ANK2: variants seen among roughly 807,000 people sequenced by gnomAD.
The protein encoded by ANK2 is ankyrin-2.
Under a neutral mutation model 360.5 loss-of-function variants are expected in ANK2, and 83 were observed. The observed-to-expected ratio is 0.23, with a 90% CI of 0.19 to 0.28. ANK2 has a LOEUF of 0.28. ANK2 is among the 10% of genes least tolerant of loss of function. The pLI, the probability that ANK2 is intolerant of heterozygous loss-of-function variation, is 1.00. For missense variants in ANK2, 4,201 were observed against 4,795.7 expected (o/e 0.88, Z 3.66); for synonymous variants, 1,740 against 1,759.5 (o/e 0.99, Z 0.28).
chr4:113,267,081 G>A (rs913552618), intron 14 of ANK2, among the ~76,000 whole-genome samples: 27 of 152,158 alleles, frequency 1.8e-4, no homozygotes, highest in Middle Eastern at 3.4e-3. Context: ...ATCCTTCGCC[G>A]ACTTTTCAAT....
At chr4:112,816,567 A>G (rs1295627618), upstream of ANK2, among the ~76,000 whole-genome samples, 3 of 152,286 alleles carry the variant, frequency 2.0e-5, no homozygotes, top group East Asian at 1.9e-4. Context: ...CTTAATTAAC[A>G]TATAAGAAAA....
chr4:113,355,803 T>C lies in ANK2; in HGVS notation c.7185T>C (p.Thr2395=). ...PEASVKTDTG[T]ESKPQGVIRS... ...CTTCTGTAAAGACAGATACAGGAACTGAATCAAAACCTCAGGGAGTCATTA... is the reference window on the plus strand; with the variant it reads ...CTTCTGTAAAGACAGATACAGGAACCGAATCAAAACCTCAGGGAGTCATTA... Residue 2395 remains threonine, a synonymous_variant, in exon 38 of 46, where the codon ACT becomes ACC. Coordinates refer to ENST00000357077, the MANE Select transcript of ANK2 (RefSeq NM_001148.6). 2 of 1,614,040 alleles carry C rather than the reference T, an allele frequency of 1.2e-6. No individual in the cohort carries two copies. Among genetic ancestry groups the C allele is most frequent in the Non-Finnish European group, 8.5e-7 (1 of 1,179,966 alleles).
chr4:112,867,393 GT>G (rs148134523), intron 1 of ANK2, among the ~76,000 whole-genome samples: 2,883 of 150,898 alleles, frequency 0.019, 100 homozygotes, highest in African/African-American at 0.066. Flanking sequence ...TATAGGTTTT[GT>G]TTTTTTTAAA....
At chr4:112,898,229 T>C (rs1443243196) in intron 1 of ANK2, among the ~76,000 whole-genome samples, 2 of 152,222 alleles carry the variant, frequency 1.3e-5, no homozygotes, top group South Asian at 4.1e-4. Context: ...CGTGTTATTA[T>C]TAACTAAAGT....
At chr4:112,885,357 G>A (rs1016615755) in intron 1 of ANK2, among the ~76,000 whole-genome samples, 2 of 151,684 alleles carry the variant, frequency 1.3e-5, no homozygotes, top group African/African-American at 4.8e-5. Context: ...AAATTAGCTG[G>A]GTGTGGAGGC....
At chr4:113,219,368 A>G (rs1337552332) in intron 4 of ANK2, among the ~76,000 whole-genome samples, 1 of 151,892 alleles carries the variant, frequency 6.6e-6, no homozygotes, top group Non-Finnish European at 1.5e-5. Flanking sequence ...AATTTTTATT[A>G]TTTAAATTAA....
chr4:113,055,069 C>A (rs2068953319), intron 1 of ANK2, among the ~76,000 whole-genome samples: 1 of 152,024 alleles, frequency 6.6e-6, no homozygotes, highest in South Asian at 2.1e-4. Context: ...AACAGGCTCC[C>A]AACTCTTTCT....
intron 9 of ANK2, among the ~76,000 whole-genome samples, chr4:113,244,387 G>A (rs1193787206): frequency 6.6e-6 from 1 of 151,900 alleles, no homozygotes; most frequent in African/African-American, 2.4e-5. Flanking sequence ...TTAATAATAG[G>A]TTCTTAAAAA....
chr4:113,026,223 G>A (rs1487233702), intron 2 of ANK2, among the ~76,000 whole-genome samples: 1 of 152,116 alleles, frequency 6.6e-6, no homozygotes, highest in East Asian at 1.9e-4. Context: ...GTAGGAATGG[G>A]AGCACAATAT....
intron 14 of ANK2, among the ~76,000 whole-genome samples, chr4:113,266,116 C>T (rs2055867262): frequency 6.6e-6 from 1 of 152,138 alleles, no homozygotes; most frequent in African/African-American, 2.4e-5. Flanking sequence ...TAGCCCCCTA[C>T]CCCCGACAGT....
At chr4:113,144,991 C>T (rs72673435) in intron 1 of ANK2, among the ~76,000 whole-genome samples, 17,850 of 151,774 alleles carry the variant, frequency 0.12, 1,172 homozygotes, top group South Asian at 0.15. Flanking sequence ...CTTTCAAAAA[C>T]CTGTAATATG....
At chr4:112,796,465 T>TAC in the ANK2 span, among the ~76,000 whole-genome samples, 58,477 of 150,258 alleles carry the variant, frequency 0.39, 11,582 homozygotes, top group East Asian at 0.57. Flanking sequence ...TCTATATATA[T>TAC]ACACACACAC....
chr4:113,287,688 G>T lies in ANK2; in HGVS notation c.2163G>T (p.Gln721His), dbSNP rs2065374536. 1 of 1,611,350 alleles carries T rather than the reference G, an allele frequency of 6.2e-7. No individual in the cohort carries two copies. The highest frequency in any genetic ancestry group is 1.7e-5 in the Admixed American group (1 of 60,010). ...ADILTKHGAD[Q>H]DAHTKLGYTP... is the part of the protein sequence containing the mutation. ...TTCTCACCAAGCATGGAGCTGATCA[G>T]GATGCTCATACAAAGGTAAAGCAAA... Residue 721 changes from glutamine to histidine, a missense_variant, in exon 19 of 46, where the codon CAG (glutamine) becomes CAT (histidine). By Grantham distance (24) the Gln-to-His change is conservative. This residue lies in a region of ANK2 where 1,268 missense variants were observed against 1,650.8 expected (regional missense o/e 0.77). Coordinates refer to ENST00000357077, the MANE Select transcript of ANK2 (RefSeq NM_001148.6).
In ANK2 at chr4:112,853,130, G is replaced by A. The variant is rs191104922; in HGVS notation, c.-40+34866G>A. ...TCTCGCCAGGCTAGAGTGCTGTGGC[G>A]TGATCTCGGCTCACTGCAACCTCCA... is the stretch of plus-strand genomic sequence containing the variant. On this transcript the variant is annotated intron_variant, in intron 1 of 30. Coordinates refer to the ANK2 transcript ENST00000503271. Among the ~76,000 whole-genome samples, 364 of 152,082 alleles carry A rather than the reference G, an allele frequency of 2.4e-3. 2 individuals are homozygous for A. The highest frequency in any genetic ancestry group is 4.3e-3 in the Admixed American group (65 of 15,286).
intron 2 of ANK2, among the ~76,000 whole-genome samples, chr4:112,957,029 TTTTA>T (rs1405974938): frequency 6.7e-6 from 1 of 148,500 alleles, no homozygotes; most frequent in East Asian, 1.9e-4. Flanking sequence ...TTTTTTTTTT[TTTTA>T]ATTGATCATT....
At chr4:113,291,004 A>G (rs1016712937) in intron 20 of ANK2, among the ~76,000 whole-genome samples, 4 of 152,232 alleles carry the variant, frequency 2.6e-5, no homozygotes, top group South Asian at 2.1e-4. Flanking sequence ...TGTGGCCACA[A>G]TGTCCACTGA....
chr4:113,208,242 C>A (rs1234538010), intron 4 of ANK2, among the ~76,000 whole-genome samples: 1 of 151,844 alleles, frequency 6.6e-6, no homozygotes, highest in Non-Finnish European at 1.5e-5. Flanking sequence ...CAAAGCAAAT[C>A]ATTTGGAGAC....
intron 2 of ANK2, among the ~76,000 whole-genome samples, chr4:112,941,974 T>A (rs1398226883): frequency 6.6e-5 from 10 of 151,704 alleles, no homozygotes. Context: ...TATAAAATGC[T>A]TAGAACAATA....
chr4:112,851,651 T>G (rs2065025787), intron 1 of ANK2, among the ~76,000 whole-genome samples: 1 of 150,594 alleles, frequency 6.6e-6, no homozygotes. Context: ...TGAGATGGAG[T>G]CTTGCTCTGT....
Sources: gnomAD v4.1 joint callset for allele counts (sites outside exome capture counted in the v4.1 genomes callset) on GRCh38, gnomAD v4.1.1 for gene constraint, gnomAD v4.1.1 regional missense constraint, MANE v1.5 for transcripts, NCBI Gene and HGNC (gene_info 2026-07-23, HGNC 2026-07-21) for gene names.